Variants in CCDC146 observed in about 807,000 individuals in gnomAD.
CCDC146 encodes the protein coiled-coil domain-containing protein 146.
CCDC146 carries 92 observed loss-of-function variants against 119.3 expected under a neutral mutation model. That is an observed-to-expected ratio of 0.77 (90% CI 0.65 to 0.92). CCDC146 has a LOEUF of 0.92. Among genes scored for constraint, CCDC146 ranks in the 40% least tolerant of loss-of-function variants. The probability of loss-of-function intolerance (pLI) is 0.00; values close to 1 mark genes in which losing one functional copy is unlikely to be tolerated. For missense variants in CCDC146, 1,000 were observed against 1,103.0 expected (o/e 0.91, Z 1.32); for synonymous variants, 372 against 371.8 (o/e 1.00, Z -0.01).
intron 1 of CCDC146, among the ~76,000 whole-genome samples, chr7:77,157,855 C>CT (rs1430200678): frequency 6.6e-6 from 1 of 152,172 alleles, no homozygotes; most frequent in Non-Finnish European, 1.5e-5. Context: ...TTTTGATTAA[C>CT]TTGTCTTGCT....
At chr7:77,123,195 A>C (rs112481721) in intron 1 of CCDC146, among the ~76,000 whole-genome samples, 31,954 of 149,832 alleles carry the variant, frequency 0.21, 3,569 homozygotes, top group African/African-American at 0.25. Context: ...TGTTTTGAGA[A>C]TAGCATTGAT....
rs1457510568 is a variant in CCDC146 at position 77,201,388 on chromosome 7, A to T, written c.156+33564A>T. Among the ~76,000 whole-genome samples the T allele has an allele frequency of 2.4e-3, 57 of 23,586 alleles. 1 individual carries two copies. The highest frequency in any genetic ancestry group is 1.3e-4 in the Non-Finnish European group (2 of 14,826). The allele number at this position is 23,586 out of a possible 152,430, so 15.5% of individuals were successfully genotyped here. On this transcript the variant is annotated intron_variant, in intron 2 of 18. Transcript: ENST00000285871. ...GAAACCCCATCTCTACTAAAAATAC[A>T]AAAAAAAAAAAAAAAATTAGCCAGG... is the stretch of plus-strand genomic sequence containing the variant.
chr7:77,142,936 G>A (rs1345721351), intron 1 of CCDC146, among the ~76,000 whole-genome samples: 3 of 151,926 alleles, frequency 2.0e-5, no homozygotes, highest in East Asian at 1.9e-4. Flanking sequence ...ACCCAGTAAT[G>A]GGATGGCTGG....
intron 13 of CCDC146, among the ~76,000 whole-genome samples, chr7:77,279,351 T>C (rs528127953): frequency 1.6e-4 from 24 of 152,296 alleles, no homozygotes; most frequent in African/African-American, 5.5e-4. Flanking sequence ...TTCAAACATC[T>C]TGTTTTATAG....
At chr7:77,228,963 T>C (rs1391106159) in intron 2 of CCDC146, among the ~76,000 whole-genome samples, 7 of 152,254 alleles carry the variant, frequency 4.6e-5, no homozygotes, top group Non-Finnish European at 8.8e-5. Context: ...AAGCCCAGCA[T>C]GCATTAGCTA....
chr7:77,160,879 C>T (rs1353866460), intron 1 of CCDC146, among the ~76,000 whole-genome samples: 1 of 152,028 alleles, frequency 6.6e-6, no homozygotes, highest in East Asian at 1.9e-4. Context: ...ATTTTTGCAA[C>T]CTACTCATCT....
chr7:77,151,836 A>G (rs1791112858), intron 1 of CCDC146, among the ~76,000 whole-genome samples: 1 of 152,074 alleles, frequency 6.6e-6, no homozygotes, highest in Non-Finnish European at 1.5e-5. Flanking sequence ...AGAGTTCTGC[A>G]TTCCCCGCTG....
At chr7:77,287,020 C>G in intron 16 of CCDC146, 94 bp downstream of exon 16, 1 of 1,335,036 alleles carries the variant, frequency 7.5e-7, no homozygotes, top group Non-Finnish European at 1.1e-6. Flanking sequence ...GCTGACAGAC[C>G]TATCCTTCAT....
rs55689348 is a variant in CCDC146 at position 77,276,211 on chromosome 7, T to TA, written c.1440+1571dup. Among the ~76,000 whole-genome samples the TA allele has an allele frequency of 1.2e-4, 17 of 142,876 alleles. 1 individual carries two copies. In the South Asian group the frequency reaches 2.8e-3, roughly 24 times the overall value. 93.7% of individuals were successfully genotyped at this position (142,876 alleles called of 152,430 possible). ...ACAGAGCGAGACTTCCTCTCAAAAA[T>TA]AAAAAAAAAAAAGAATTTATCTCAT... On this transcript the variant is annotated intron_variant, in intron 11 of 18. Transcript: ENST00000285871.
At chr7:77,160,855 C>T (rs918707687) in intron 1 of CCDC146, among the ~76,000 whole-genome samples, 1 of 152,032 alleles carries the variant, frequency 6.6e-6, no homozygotes, top group Non-Finnish European at 1.5e-5. Context: ...AGGAAACCTA[C>T]AAAATGGGAG....
chr7:77,133,550 C>G (rs1047066895), intron 1 of CCDC146, among the ~76,000 whole-genome samples: 6 of 151,976 alleles, frequency 3.9e-5, no homozygotes, highest in Non-Finnish European at 8.8e-5. Flanking sequence ...CGTGGTTTCA[C>G]CATGTTGGCC....
chr7:77,271,513 GATATATATAT>G (rs56661430), intron 9 of CCDC146, among the ~76,000 whole-genome samples: 346 of 71,250 alleles, frequency 4.9e-3, no homozygotes, highest in East Asian at 8.0e-3. Context: ...ACTAATAGGA[GATATATATAT>G]ATATATATAT....
chr7:77,239,382 T>C (rs1370713768), intron 3 of CCDC146, among the ~76,000 whole-genome samples: 1 of 152,256 alleles, frequency 6.6e-6, no homozygotes, highest in Non-Finnish European at 1.5e-5. Flanking sequence ...TCACTGTAGC[T>C]ATTGTTGTTG....
intron 9 of CCDC146, among the ~76,000 whole-genome samples, chr7:77,268,043 C>T (rs905943912): frequency 3.9e-5 from 6 of 152,258 alleles, no homozygotes; most frequent in Admixed American, 6.5e-5. Flanking sequence ...AAAGGACTTA[C>T]AGGATATGTG....
intron 2 of CCDC146, among the ~76,000 whole-genome samples, chr7:77,225,857 C>T (rs1048875491): frequency 2.0e-5 from 3 of 151,960 alleles, no homozygotes; most frequent in Admixed American, 1.3e-4. Flanking sequence ...GCAGGAGAAT[C>T]GCTTGAACCC....
At chr7:77,210,716 T>C (rs1033168537) in intron 2 of CCDC146, among the ~76,000 whole-genome samples, 1 of 152,202 alleles carries the variant, frequency 6.6e-6, no homozygotes, top group Non-Finnish European at 1.5e-5. Context: ...AGAGATTTAA[T>C]TGGCTCATAG....
chr7:77,282,864 A>G (rs913484352), intron 15 of CCDC146, 79 bp downstream of exon 15: 2 of 931,952 alleles, frequency 2.1e-6, no homozygotes, highest in Non-Finnish European at 3.4e-6. Context: ...GAGTTCTTGC[A>G]TGTAAACCAA....
chr7:77,140,879 T>C (rs1022398511), intron 1 of CCDC146, among the ~76,000 whole-genome samples: 3 of 152,176 alleles, frequency 2.0e-5, no homozygotes, highest in Non-Finnish European at 4.4e-5. Context: ...TGATATATAT[T>C]GATATATTGA....
At chr7:77,227,680 C>T (rs775596707) in intron 2 of CCDC146, among the ~76,000 whole-genome samples, 1 of 152,142 alleles carries the variant, frequency 6.6e-6, no homozygotes, top group Non-Finnish European at 1.5e-5. Flanking sequence ...CTAGAATCTG[C>T]CTATATCTGC....
Sources: gnomAD v4.1 joint callset for allele counts (sites outside exome capture counted in the v4.1 genomes callset) on GRCh38, gnomAD v4.1.1 for gene constraint, MANE v1.5 for transcripts, NCBI Gene and HGNC (gene_info 2026-07-23, HGNC 2026-07-21) for gene names.